PALB2: variants seen among roughly 807,000 people sequenced by gnomAD.
PALB2 encodes mutant partner and localizer of BRCA2.
In PALB2, 82 loss-of-function variants were observed where a neutral mutation model predicts 107.4. The ratio of observed to expected loss-of-function variants is 0.76; its 90% CI spans 0.64 to 0.92. PALB2 has a LOEUF of 0.92. PALB2 is among the 40% of genes least tolerant of loss of function. PALB2 has a pLI of 0.00. For missense variants in PALB2, 1,374 were observed against 1,379.9 expected, an observed-to-expected ratio of 1.00 and a Z score of 0.07; for synonymous variants, 489 against 496.8, an observed-to-expected ratio of 0.98 and a Z score of 0.21.
chr16:23,638,041 A>C, intron 2 of PALB2, 29 bp downstream of exon 2: 2 of 1,609,248 alleles, frequency 1.2e-6, no homozygotes, highest in Non-Finnish European at 1.7e-6. Flanking sequence ...GTACTATAAC[A>C]CCTTAATTTG....
chr16:23,627,443 C>T (rs372113066), intron 6 of PALB2, among the ~76,000 whole-genome samples: 31 of 148,632 alleles, frequency 2.1e-4, no homozygotes, highest in African/African-American at 7.2e-4. Flanking sequence ...GCCGAGATTG[C>T]GCCACTGCAG....
In PALB2 at chr16:23,635,706, G is replaced by A. The variant is rs375258299; in HGVS notation, c.840C>T (p.Asn280=). 3.1e-6 allele frequency: 5 copies of A among 1,614,130 alleles called. No individual in the cohort carries two copies. The highest frequency in any genetic ancestry group is 4.2e-6 in the Non-Finnish European group (5 of 1,180,026). The change falls in exon 4 of 13, where the codon AAC becomes AAT. Residue 280 remains asparagine (N), a synonymous_variant. Coordinates refer to ENST00000261584, the MANE Select transcript of PALB2 (RefSeq NM_024675.4). Reference sequence around the variant, plus strand: ...AACTTACAGGTGAAGTAAATCTAATGTTTTTTAGGTCGTGAGTAGTAAGTT... The same window carrying A: ...AACTTACAGGTGAAGTAAATCTAATATTTTTTAGGTCGTGAGTAGTAAGTT... ...SSELTTHDLK[N]IRFTSPVSLE...
intron 11 of PALB2, among the ~76,000 whole-genome samples, chr16:23,611,117 T>A (rs925752775): frequency 6.9e-6 from 1 of 144,096 alleles, no homozygotes; most frequent in Admixed American, 7.0e-5. Context: ...TCTATCTATC[T>A]ATCTATCAAT....
intron 6 of PALB2, among the ~76,000 whole-genome samples, chr16:23,627,799 A>G (rs1362502102): frequency 3.3e-5 from 5 of 152,240 alleles, no homozygotes; most frequent in East Asian, 3.8e-4. Flanking sequence ...TAGAAAAACA[A>G]TAATTTAGAA....
chr16:23,609,716 CTGT>C (rs1966549571), intron 11 of PALB2, among the ~76,000 whole-genome samples: 1 of 152,184 alleles, frequency 6.6e-6, no homozygotes, highest in Non-Finnish European at 1.5e-5. Context: ...CGGGGTTTCA[CTGT>C]GTTAGCCAGG....
In PALB2 at chr16:23,623,016, G is replaced by C. The variant is rs1250153779; in HGVS notation, c.2949C>G (p.Thr983=). ...TGACTTCTACTTGTTGATCAGAAAG[G>C]GTCCCACTGCTACTAACTAGCCTCC... is the stretch of plus-strand genomic sequence containing the variant. The part of the protein sequence containing the change: ...TKRRLVSSSG[T]LSDQQVEVMT... Residue 983 remains threonine (T), a synonymous_variant, in exon 9 of 13, where the codon ACC becomes ACG. Transcript: ENST00000261584. The C allele has an allele frequency of 3.7e-6, 6 of 1,613,870 alleles. No homozygotes were observed. In the African/African-American group the frequency reaches 8.0e-5, roughly 22 times the overall value.
rs147911546 is a variant in PALB2, at chr16:23,624,209, A to T, written c.2749-115T>A. 3.4e-4 allele frequency: 253 copies of T among 741,720 alleles called. 3 individuals carry two copies. In the East Asian group the frequency reaches 5.3e-3, roughly 16 times the overall value. 45.9% of individuals were successfully genotyped at this position (741,720 alleles called of 1,614,324 possible). On this transcript the variant is annotated intron_variant, in intron 7 of 12. Coordinates refer to ENST00000261584, the MANE Select transcript of PALB2 (RefSeq NM_024675.4). The stretch of plus-strand genomic sequence containing the variant: ...TTCTCACTGTACAAGGATAATTTTC[A>T]TCATTTGAAGGCTCAGAAAACTCTT...
intron 12 of PALB2, 45 bp from the exon 13 acceptor site, chr16:23,603,714 A>C: frequency 6.5e-7 from 1 of 1,550,300 alleles, no homozygotes; most frequent in Non-Finnish European, 8.8e-7. Flanking sequence ...CATATCCAAA[A>C]AACAATTAAA....
chr16:23,636,394 C>G (rs1161506965), intron 3 of PALB2, 60 bp from the exon 4 acceptor site: 1 of 1,171,816 alleles, frequency 8.5e-7, no homozygotes, highest in Non-Finnish European at 1.2e-6. Flanking sequence ...ACAAAAAATA[C>G]TCATTTTTAA....
In PALB2 at chr16:23,635,438, G is replaced by A. The variant is rs587776411; in HGVS notation, c.1108C>T (p.Gln370Ter). ...GGTTGACTTAGAATCTCACTTTCCTGAAGATTTTCATTCCTGCCATCAAGA... is the reference window on the plus strand; with the variant it reads ...GGTTGACTTAGAATCTCACTTTCCTAAAGATTTTCATTCCTGCCATCAAGA... ...DTLDGRNENLQESEILSQPKS... is the reference protein window; with the variant it reads ...DTLDGRNENL Residue 370 changes from glutamine (Q) to a stop codon, truncating the protein, a stop_gained, in exon 4 of 13, where the codon CAG becomes TAG. Coordinates refer to ENST00000261584, the MANE Select transcript of PALB2 (RefSeq NM_024675.4). LOFTEE classifies it high-confidence loss of function. The A allele has an allele frequency of 6.2e-7, 1 of 1,614,006 alleles. No homozygotes were observed. The highest frequency in any genetic ancestry group is 1.1e-5 in the South Asian group (1 of 91,072).
chr16:23,608,870 C>A (rs2142279059), intron 11 of PALB2, among the ~76,000 whole-genome samples: 1 of 151,436 alleles, frequency 6.6e-6, no homozygotes, highest in Admixed American at 6.6e-5. Context: ...GCTCGTTGCC[C>A]AGGCTGGAGT....
rs761298847 is a variant in PALB2, at chr16:23,629,812, C to T, written c.2342G>A (p.Ser781Asn). 3 of 1,614,186 alleles carry T rather than the reference C, an allele frequency of 1.9e-6. No individual in the cohort carries two copies. The highest frequency in any genetic ancestry group is 2.5e-6 in the Non-Finnish European group (3 of 1,180,032). The change falls in exon 5 of 13, where the codon AGC becomes AAC. Residue 781 changes from serine to asparagine, a missense_variant. Transcript: ENST00000261584. Reference protein sequence around the residue: ...SDTKQFDSSGSPAKPHTTLQV... With the variant: ...SDTKQFDSSGNPAKPHTTLQV... ...CAGGGTGGTATGTGGTTTTGCTGGGCTGCCTGAACTGTCGAATTGTTTAGT... is the reference window on the plus strand; with the variant it reads ...CAGGGTGGTATGTGGTTTTGCTGGGTTGCCTGAACTGTCGAATTGTTTAGT...
Position 23,629,276 on chromosome 16 carries a change from CTG to C in PALB2, c.2515-3_2515-2del. ...AAGCAGGAAGCTCTGCTGTTTCAGT[CTG>C]TGAAAACAAAAGTCACATCATTAGT... On this transcript the variant is annotated splice_acceptor_variant and splice_polypyrimidine_tract_variant and intron_variant, in intron 5 of 12. Transcript: ENST00000261584. LOFTEE classifies it high-confidence loss of function. 1 of 1,612,946 alleles carries C rather than the reference CTG, an allele frequency of 6.2e-7. No homozygotes were observed. Among genetic ancestry groups the C allele is most frequent in the Middle Eastern group, 1.6e-4 (1 of 6,062 alleles).
intron 4 of PALB2, 48 bp downstream of exon 4, chr16:23,634,813 GT>G: frequency 6.4e-7 from 1 of 1,574,440 alleles, no homozygotes; most frequent in South Asian, 1.1e-5. Flanking sequence ...AATAGTAATT[GT>G]TAACTTTCAT....
chr16:23,634,741 C>T (rs1169204842), intron 4 of PALB2, 121 bp downstream of exon 4: 12 of 1,362,066 alleles, frequency 8.8e-6, no homozygotes, highest in East Asian at 2.5e-5. Flanking sequence ...GGATTACAGA[C>T]GTAAGCCACC....
intron 9 of PALB2, 118 bp from the exon 10 acceptor site, chr16:23,621,596 C>T (rs941500807): frequency 1.4e-6 from 1 of 697,340 alleles, no homozygotes; most frequent in East Asian, 2.7e-5. Context: ...AAAAAAAAAT[C>T]TAACCCAGAA....
chr16:23,629,611 G>C (rs1966855238), intron 5 of PALB2, 29 bp downstream of exon 5: 5 of 1,604,876 alleles, frequency 3.1e-6, no homozygotes, highest in Non-Finnish European at 4.3e-6. Context: ...TTCCTTCAGA[G>C]AAAATTTCAC....
rs1555457844 is a variant in PALB2, at chr16:23,603,503, C to A, written c.3517G>T (p.Ala1173Ser). 6.2e-7 allele frequency: 1 copy of A among 1,613,986 alleles called. No individual in the cohort carries two copies. Among genetic ancestry groups the A allele is most frequent in the Non-Finnish European group, 8.5e-7 (1 of 1,179,952 alleles). ...AATATATTTCCATCTTTTTGTCCAGCCAGCAAATGAGAGTCTGTACCCGAC... is the reference window on the plus strand; with the variant it reads ...AATATATTTCCATCTTTTTGTCCAGACAGCAAATGAGAGTCTGTACCCGAC... ...KWSGTDSHLL[A>S]GQKDGNIFVY... Residue 1173 changes from alanine (A) to serine (S), a missense_variant, in exon 13 of 13, where the codon GCT (alanine) becomes TCT (serine). Coordinates refer to ENST00000261584, the MANE Select transcript of PALB2 (RefSeq NM_024675.4).
At chr16:23,620,691 T>C (rs1185186033) in intron 10 of PALB2, among the ~76,000 whole-genome samples, 1 of 152,246 alleles carries the variant, frequency 6.6e-6, no homozygotes, top group Non-Finnish European at 1.5e-5. Context: ...CATTTAGTTT[T>C]AAATAGTCTA....
Sources: allele counts gnomAD v4.1 joint callset (sites outside exome capture counted in the v4.1 genomes callset), GRCh38; gene constraint gnomAD v4.1.1; transcripts MANE v1.5; gene names NCBI Gene and HGNC (gene_info 2026-07-23, HGNC 2026-07-21).